Variants in LMOD3 observed in about 807,000 individuals in gnomAD.
LMOD3 encodes the protein leiomodin-3.
In LMOD3, 31 loss-of-function variants were observed where a neutral mutation model predicts 41.8. That is an observed-to-expected ratio of 0.74 (90% CI 0.56 to 1.00). The LOEUF is 1.00. LMOD3 is among the 50% of genes least tolerant of loss of function. The probability of loss-of-function intolerance (pLI) is 0.00; values close to 1 mark genes in which losing one functional copy is unlikely to be tolerated. For missense variants in LMOD3, 755 were observed against 679.5 expected (o/e 1.11, Z -1.23); for synonymous variants, 292 against 241.9 (o/e 1.21, Z -1.92).
In LMOD3 at chr3:69,118,906, G is replaced by A. The variant is rs2092390552; in HGVS notation, c.1449C>T (p.Asp483=). 6.2e-7 allele frequency: 1 copy of A among 1,611,984 alleles called. No homozygotes were observed. The highest frequency in any genetic ancestry group is 8.5e-7 in the Non-Finnish European group (1 of 1,179,534). Reference sequence around the variant, plus strand: ...TCTTCAGCTTCACCACCCGGAAGGAGTCAGGGTCTGTCCTGTACTTCGGGG... The same window carrying A: ...TCTTCAGCTTCACCACCCGGAAGGAATCAGGGTCTGTCCTGTACTTCGGGG... The part of the protein sequence containing the change: ...SQAPKYRTDP[D]SFRVVKLKRI... Residue 483 remains aspartate, a synonymous_variant, in exon 2 of 3, where the codon GAC becomes GAT. Transcript: ENST00000420581.
At chr3:69,110,853 A>AAAAAAAAAAAAAT (rs1458630453) in intron 2 of LMOD3, among the ~76,000 whole-genome samples, 1 of 104,168 alleles carries the variant, frequency 9.6e-6, no homozygotes, top group African/African-American at 4.8e-5. Flanking sequence ...AAAAAAAAAA[A>AAAAAAAAAAAAAT]ATATATATAT....
chr3:69,122,370 C>A lies in LMOD3; in HGVS notation c.17G>T (p.Arg6Ile), dbSNP rs1185485203. 6.2e-7 allele frequency: 1 copy of A among 1,603,418 alleles called. No individual in the cohort carries two copies. The highest frequency in any genetic ancestry group is 8.5e-7 in the Non-Finnish European group (1 of 1,172,000). The change falls in exon 1 of 3, where the codon AGA becomes ATA. Residue 6 changes from arginine (R) to isoleucine (I), a missense_variant. Coordinates refer to ENST00000420581, the MANE Select transcript of LMOD3 (RefSeq NM_198271.5). The stretch of plus-strand genomic sequence containing the variant: ...GAGAAGTTCTTCTTGATCTGAATTT[C>A]TGCTGTGCTCTGACATTATTTTTTC... MSEHS[R>I]NSDQEELLDE... is the part of the protein sequence containing the mutation.
At position 69,119,628 on chromosome 3, in the gene LMOD3, C is replaced by CAT; in HGVS notation, c.725_726dup (p.Gly243MetfsTer4). On this transcript the variant is annotated frameshift_variant, in exon 2 of 3. Coordinates refer to ENST00000420581, the MANE Select transcript of LMOD3 (RefSeq NM_198271.5). LOFTEE classifies it high-confidence loss of function. ...TTTTTCCTAACTCTCCTCAAGCTCC[C>CAT]ATCCAGGTCTGTCTGGTTTCCTGAA... The CAT allele has an allele frequency of 6.2e-7, 1 of 1,613,794 alleles. No homozygotes were observed. Among genetic ancestry groups the CAT allele is most frequent in the Non-Finnish European group, 8.5e-7 (1 of 1,179,866 alleles).
At chr3:69,109,986 C>T (rs1309331347) in intron 2 of LMOD3, among the ~76,000 whole-genome samples, 1 of 152,154 alleles carries the variant, frequency 6.6e-6, no homozygotes, top group Non-Finnish European at 1.5e-5. Flanking sequence ...TTATTATACA[C>T]TGCCTGTAAA....
chr3:69,120,946 G>A (rs2092404379), intron 1 of LMOD3, among the ~76,000 whole-genome samples: 1 of 152,142 alleles, frequency 6.6e-6, no homozygotes, highest in Non-Finnish European at 1.5e-5. Context: ...AGCCAGTATA[G>A]CAAGTTGAGA....
chr3:69,118,997 C>T lies in LMOD3; in HGVS notation c.1358G>A (p.Arg453Gln). The stretch of plus-strand genomic sequence containing the variant: ...GGGGACATTTTGGGGGTTGGGAGGC[C>T]GAGGTGGCGGTGGCTGGAAGAATTC... ...MQEFFQPPPP[R>Q]PPNPQNVPFS... The change falls in exon 2 of 3, where the codon CGG becomes CAG. Residue 453 changes from arginine to glutamine, a missense_variant. Coordinates refer to ENST00000420581, the MANE Select transcript of LMOD3 (RefSeq NM_198271.5). 3.1e-6 allele frequency: 5 copies of T among 1,613,422 alleles called. No homozygotes were observed. The highest frequency in any genetic ancestry group is 1.1e-5 in the South Asian group (1 of 91,028).
At chr3:69,114,958 T>G (rs2092364774) in intron 2 of LMOD3, among the ~76,000 whole-genome samples, 2 of 152,196 alleles carry the variant, frequency 1.3e-5, no homozygotes, top group South Asian at 2.1e-4. Context: ...CTTGACTTCC[T>G]GAGCTCAAGT....
chr3:69,118,426 T>C (rs1268387538), intron 2 of LMOD3, among the ~76,000 whole-genome samples: 2 of 152,134 alleles, frequency 1.3e-5, no homozygotes, highest in Admixed American at 6.5e-5. Flanking sequence ...AGTTAATTCA[T>C]ATAACAACTC....
rs1055466498 is a variant in LMOD3, at chr3:69,121,399, C to T, written c.294+694G>A. ...TAAAGAGACTTTACCTAGGAGGCAT[C>T]TCTGTCCTCTTTTTGTTAAGTCATT... On this transcript the variant is annotated intron_variant, in intron 1 of 2. Coordinates refer to ENST00000420581, the MANE Select transcript of LMOD3 (RefSeq NM_198271.5). Among the ~76,000 whole-genome samples the T allele has an allele frequency of 1.2e-4, 18 of 151,856 alleles. 1 individual carries two copies. The highest frequency in any genetic ancestry group is 4.9e-5 in the African/African-American group (2 of 41,184).
At chr3:69,121,784 G>A (rs1000424422) in intron 1 of LMOD3, among the ~76,000 whole-genome samples, 17 of 152,174 alleles carry the variant, frequency 1.1e-4, no homozygotes, top group African/African-American at 4.1e-4. Context: ...AAGGACAACT[G>A]CCTCTGGGTT....
At chr3:69,111,712 A>G (rs1428460140) in intron 2 of LMOD3, among the ~76,000 whole-genome samples, 2 of 152,214 alleles carry the variant, frequency 1.3e-5, no homozygotes, top group African/African-American at 4.8e-5. Flanking sequence ...AAGTACTGGT[A>G]TTACAGGTGT....
In LMOD3 at chr3:69,119,900, T is replaced by C. The variant is rs1276827757; in HGVS notation, c.455A>G (p.Asp152Gly). The change falls in exon 2 of 3, where the codon GAT becomes GGT. Residue 152 changes from aspartate (D) to glycine (G), a missense_variant. By Grantham distance (94) the Asp-to-Gly change is moderately conservative. Coordinates refer to ENST00000420581, the MANE Select transcript of LMOD3 (RefSeq NM_198271.5). ...TTCTCCTTCGTCGTCATCATCATCA[T>C]CTTCTTCTTCTTCATCTTCTTCATC... ...ETDEEDEEEE[D>G]DDDDDEGEDD... 7.2e-6 allele frequency: 11 copies of C among 1,529,550 alleles called. No individual in the cohort carries two copies. Among genetic ancestry groups the C allele is most frequent in the Admixed American group, 3.9e-5 (2 of 51,138 alleles). The allele number at this position is 1,529,550 out of a possible 1,614,324, so 94.7% of individuals were successfully genotyped here. A position where few individuals can be genotyped will look rare whatever the true frequency, so the allele number is the denominator to read the frequency against.
chr3:69,119,525 G>T lies in LMOD3; in HGVS notation c.830C>A (p.Ala277Glu), dbSNP rs752855693. The T allele has an allele frequency of 1.2e-6, 2 of 1,613,746 alleles. No individual in the cohort carries two copies. The highest frequency in any genetic ancestry group is 2.7e-5 in the African/African-American group (2 of 74,906). The change falls in exon 2 of 3, where the codon GCA becomes GAA. Residue 277 changes from alanine (A) to glutamate (E), a missense_variant. Transcript: ENST00000420581. ...TTTGATGTGCTTGTTTTTCTTCATTGCATTGACAAAGTCCAGTAACATTTC... is the reference window on the plus strand; with the variant it reads ...TTTGATGTGCTTGTTTTTCTTCATTTCATTGACAAAGTCCAGTAACATTTC... ...PKEMLLDFVN[A>E]MKKNKHIKTF...
At position 69,122,416 on chromosome 3, in the gene LMOD3, A is replaced by C. The variant is rs1235028545; in HGVS notation, c.-30T>G. ...TTTTCTAAATATTATTTTACTAGAA[A>C]AGAAGAATAATCAAAGATGATTTTT... On this transcript the variant is annotated 5_prime_UTR_variant, in exon 1 of 3. Transcript: ENST00000420581. 2.8e-6 allele frequency: 4 copies of C among 1,426,582 alleles called. No homozygotes were observed. In the South Asian group the frequency reaches 5.3e-5, roughly 19 times the overall value. 88.4% of individuals were successfully genotyped at this position (1,426,582 alleles called of 1,614,324 possible). A position where few individuals can be genotyped will look rare whatever the true frequency, so the allele number is the denominator to read the frequency against.
rs113479929 is a variant in LMOD3, at chr3:69,112,544, G to A, written c.1657-3423C>T. On this transcript the variant is annotated intron_variant, in intron 2 of 2. Transcript: ENST00000420581. ...GGCAGAGTACCCCTAACGTTTTTTT[G>A]TAAGAAGTAGCATTTGAGTCAAGCC... Among the ~76,000 whole-genome samples, 1,331 of 152,282 alleles carry A rather than the reference G, an allele frequency of 8.7e-3. 21 individuals carry two copies. The highest frequency in any genetic ancestry group is 0.03 in the African/African-American group (1,255 of 41,570).
In LMOD3 at chr3:69,108,494, C is replaced by T. The variant is rs1164178530; in HGVS notation, c.*601G>A. On this transcript the variant is annotated 3_prime_UTR_variant, in exon 3 of 3. Coordinates refer to ENST00000420581, the MANE Select transcript of LMOD3 (RefSeq NM_198271.5). ...CCCCTATAGAAAGAATACTCCAAAA[C>T]ACCAAGGGAGTCACCAAGAGAGAAA... 6.6e-6 allele frequency: 1 copy of T among 152,324 alleles called. No individual in the cohort carries two copies. Among genetic ancestry groups the T allele is most frequent in the East Asian group, 1.9e-4 (1 of 5,200 alleles). The allele number at this position is 152,324 out of a possible 1,614,324, so 9.4% of individuals were successfully genotyped here.
Position 69,114,102 on chromosome 3 carries a change from A to G in LMOD3, c.1656+4597T>C, listed in dbSNP as rs140675364. 9.3e-4 allele frequency among the ~76,000 whole-genome samples: 141 copies of G among 152,370 alleles called. 1 individual carries two copies. The highest frequency in any genetic ancestry group is 3.8e-4 in the Non-Finnish European group (26 of 68,036). On this transcript the variant is annotated intron_variant, in intron 2 of 2. Coordinates refer to ENST00000420581, the MANE Select transcript of LMOD3 (RefSeq NM_198271.5). The stretch of plus-strand genomic sequence containing the variant: ...ATGCCAGGTACAAAGCAGTAAGGGC[A>G]AAAGAGAAAAACTAGAGGGTCCATG...
chr3:69,120,731 T>C (rs7613159), intron 1 of LMOD3, among the ~76,000 whole-genome samples: 4,494 of 152,122 alleles, frequency 0.03, 280 homozygotes, highest in East Asian at 0.23. Flanking sequence ...CTAGGACAAG[T>C]TTACTATCCC....
Position 69,109,374 on chromosome 3 carries a change from G to A in LMOD3, c.1657-253C>T, listed in dbSNP as rs115631248. ...AGTAACATCATGGAAATAAGAGGGC[G>A]GGTGCCTAAGTTGGCCTGGGTTCAA... On this transcript the variant is annotated intron_variant, in intron 2 of 2. Coordinates refer to ENST00000420581, the MANE Select transcript of LMOD3 (RefSeq NM_198271.5). Among the ~76,000 whole-genome samples the A allele has an allele frequency of 9.3e-3, 1,410 of 152,228 alleles. 12 individuals carry two copies. Among genetic ancestry groups the A allele is most frequent in the Middle Eastern group, 0.044 (13 of 294 alleles).
Sources: allele counts gnomAD v4.1 joint callset (sites outside exome capture counted in the v4.1 genomes callset), GRCh38; gene constraint gnomAD v4.1.1; transcripts MANE v1.5; gene names NCBI Gene and HGNC (gene_info 2026-07-23, HGNC 2026-07-21).